Variants in RASGRF1 observed in about 807,000 individuals in gnomAD.
RASGRF1 encodes ras-specific guanine nucleotide-releasing factor 1.
Under a neutral mutation model 138.7 loss-of-function variants are expected in RASGRF1, and 40 were observed. That is an observed-to-expected ratio of 0.29 (90% CI 0.22 to 0.38). The LOEUF (loss-of-function observed/expected upper bound fraction) is 0.38. RASGRF1 is among the 10% of genes least tolerant of loss of function. The pLI, the probability that RASGRF1 is intolerant of heterozygous loss-of-function variation, is 1.00. For synonymous variants in RASGRF1, 614 were observed against 663.2 expected, an observed-to-expected ratio of 0.93 and a Z score of 1.14; for missense variants, 1,108 against 1,650.4, an observed-to-expected ratio of 0.67 and a Z score of 5.69.
intron 1 of RASGRF1, among the ~76,000 whole-genome samples, chr15:79,064,976 T>C (rs1342730796): frequency 6.6e-6 from 1 of 152,190 alleles, no homozygotes; most frequent in Non-Finnish European, 1.5e-5. Flanking sequence ...ACACGGTCCC[T>C]GTAAGAGCCC....
At chr15:79,035,081 C>T (rs751539229) in intron 6 of RASGRF1, 50 bp downstream of exon 6, 3 of 1,505,592 alleles carry the variant, frequency 2.0e-6, no homozygotes, top group South Asian at 2.4e-5. Flanking sequence ...TTTGGGGTGG[C>T]CCCTGGAGGG....
chr15:79,016,714 C>T (rs1462775132), intron 12 of RASGRF1, among the ~76,000 whole-genome samples: 3 of 152,224 alleles, frequency 2.0e-5, no homozygotes, highest in Admixed American at 1.3e-4. Context: ...ATCATCCCAC[C>T]CGCCTTACTC....
intron 13 of RASGRF1, chr15:79,012,365 T>A (rs960527364): frequency 1.4e-6 from 1 of 739,826 alleles, no homozygotes; most frequent in Non-Finnish European, 2.3e-6. Context: ...TCACTCATCT[T>A]CTGGACCTCG....
chr15:79,007,184 CA>C, intron 13 of RASGRF1, among the ~76,000 whole-genome samples: 1 of 152,310 alleles, frequency 6.6e-6, no homozygotes, highest in South Asian at 2.1e-4. Context: ...TTAGCCAGAA[CA>C]AAGGGGCTAA....
intron 1 of RASGRF1, among the ~76,000 whole-genome samples, chr15:79,086,384 G>A (rs1595982089): frequency 6.6e-6 from 1 of 152,198 alleles, no homozygotes; most frequent in Non-Finnish European, 1.5e-5. Flanking sequence ...TTCTGCCATT[G>A]CCTTGCTGGG....
chr15:79,040,887 G>C (rs1246986365), intron 5 of RASGRF1, among the ~76,000 whole-genome samples: 2 of 152,204 alleles, frequency 1.3e-5, no homozygotes, highest in Non-Finnish European at 2.9e-5. Context: ...ACATCTTGCA[G>C]AGCTAGTGTT....
At chr15:78,982,589 G>A (rs2056058434) in intron 23 of RASGRF1, among the ~76,000 whole-genome samples, 1 of 152,074 alleles carries the variant, frequency 6.6e-6, no homozygotes, top group African/African-American at 2.4e-5. Flanking sequence ...AGGCAGAAAT[G>A]GGGGGCCCTT....
At chr15:79,014,485 A>G (rs1319560955) in intron 13 of RASGRF1, among the ~76,000 whole-genome samples, 1 of 152,256 alleles carries the variant, frequency 6.6e-6, no homozygotes, top group African/African-American at 2.4e-5. Context: ...GAAATAACTC[A>G]GGGATGGAAA....
intron 1 of RASGRF1, among the ~76,000 whole-genome samples, chr15:79,069,938 T>C (rs1004929295): frequency 2.0e-5 from 3 of 152,190 alleles, no homozygotes; most frequent in Non-Finnish European, 4.4e-5. Flanking sequence ...CCTTGGCCCT[T>C]ATGAGGCTCT....
chr15:79,058,819 A>AT (rs1423664361), intron 2 of RASGRF1, among the ~76,000 whole-genome samples: 1 of 152,190 alleles, frequency 6.6e-6, no homozygotes, highest in Non-Finnish European at 1.5e-5. Context: ...GTATAATAAG[A>AT]TTTTGTGCTT....
Position 79,004,085 on chromosome 15 carries a change from G to A in RASGRF1, c.2166C>T (p.Ser722=), listed in dbSNP as rs761141241. ...PKSPRATRKF[S]SPPPLSITKT... ...TGGTGATGGACAGAGGTGGCGGCGA[G>A]GAGAACTTGCGGGTGGCGCGCGGGG... Residue 722 remains serine (S), a synonymous_variant, in exon 15 of 27, where the codon TCC becomes TCT. Transcript: ENST00000558480. The A allele has an allele frequency of 5.0e-6, 8 of 1,614,056 alleles. No homozygotes were observed. Among genetic ancestry groups the A allele is most frequent in the South Asian group, 2.2e-5 (2 of 91,076 alleles).
At chr15:79,058,011 G>A (rs745597626) in intron 3 of RASGRF1, among the ~76,000 whole-genome samples, 13 of 152,334 alleles carry the variant, frequency 8.5e-5, no homozygotes, top group Non-Finnish European at 1.8e-4. Context: ...GAGCTTGCCC[G>A]TAGATAATCT....
chr15:79,059,456 C>G (rs948592070), intron 2 of RASGRF1, among the ~76,000 whole-genome samples: 2 of 146,900 alleles, frequency 1.4e-5, no homozygotes, highest in Non-Finnish European at 3.0e-5. Flanking sequence ...ATCCTTCTAT[C>G]CCCCCTCGTG....
At chr15:79,024,181 C>A (rs1482426435) in intron 10 of RASGRF1, among the ~76,000 whole-genome samples, 1 of 151,618 alleles carries the variant, frequency 6.6e-6, no homozygotes, top group Non-Finnish European at 1.5e-5. Context: ...ACCCACCCAC[C>A]ACATACATAC....
intron 13 of RASGRF1, among the ~76,000 whole-genome samples, chr15:79,008,386 G>C (rs1345027169): frequency 1.3e-5 from 2 of 152,222 alleles, no homozygotes. Flanking sequence ...AGTTCAAAAA[G>C]AGAGCATTCC....
chr15:79,022,464 C>A (rs12901912), intron 10 of RASGRF1, among the ~76,000 whole-genome samples: 67,090 of 146,022 alleles, frequency 0.46, 16,920 homozygotes, highest in South Asian at 0.62. Flanking sequence ...CAACCCCCCC[C>A]CAAAAACCCC....
intron 1 of RASGRF1, among the ~76,000 whole-genome samples, chr15:79,065,423 A>G (rs1475719073): frequency 2.6e-5 from 4 of 151,778 alleles, no homozygotes; most frequent in Non-Finnish European, 5.9e-5. Flanking sequence ...GTGGGCAGGG[A>G]CCTGGGGTGC....
intron 1 of RASGRF1, among the ~76,000 whole-genome samples, chr15:79,083,235 G>A (rs556555296): frequency 2.0e-5 from 3 of 152,286 alleles, no homozygotes; most frequent in African/African-American, 4.8e-5. Context: ...TCTCTGAGTC[G>A]GGGACAGAGA....
intron 4 of RASGRF1, 96 bp from the exon 5 acceptor site, chr15:79,047,095 G>A (rs2057364540): frequency 1.4e-6 from 2 of 1,463,454 alleles, no homozygotes; most frequent in Non-Finnish European, 1.8e-6. Context: ...AGGAACCAAG[G>A]CTTTGTTATT....
Sources: gnomAD v4.1 joint callset for allele counts (sites outside exome capture counted in the v4.1 genomes callset) on GRCh38, gnomAD v4.1.1 for gene constraint, MANE v1.5 for transcripts, NCBI Gene and HGNC (gene_info 2026-07-23, HGNC 2026-07-21) for gene names.